Variants in AAMP observed in about 807,000 individuals in gnomAD.
AAMP encodes the protein angio-associated migratory cell protein.
AAMP carries 12 observed loss-of-function variants against 51.1 expected under a neutral mutation model. The observed-to-expected ratio is 0.23, with a 90% CI of 0.15 to 0.38. AAMP has a LOEUF of 0.38. Ranked by LOEUF, AAMP falls within the 10% of genes least tolerant of loss-of-function variation. The pLI is 1.00. For synonymous variants in AAMP, 210 were observed against 218.7 expected (o/e 0.96, Z 0.35); for missense variants, 418 against 557.2 (o/e 0.75, Z 2.52).
chr2:218,265,662 A>C lies in AAMP; in HGVS notation c.900T>G (p.Pro300=). 2 of 1,613,240 alleles carry C rather than the reference A, an allele frequency of 1.2e-6. No individual in the cohort carries two copies. The highest frequency in any genetic ancestry group is 1.7e-6 in the Non-Finnish European group (2 of 1,179,972). Residue 300 remains proline (P), a synonymous_variant, in exon 8 of 11, where the codon CCT becomes CCG. Transcript: ENST00000248450. This position sits in a 1 kb window ranked among gnomAD's most constrained non-coding sequence, Gnocchi z 6.6. ...TTGKVVGVFR[P]ETVASQPSLG... is the part of the protein sequence containing the mutation. ...GGCTGGGCTGGGAGGCCACAGTCTC[A>C]GGTCTAAAAACACCCACCACCTGAA... is the stretch of plus-strand genomic sequence containing the variant.
rs1176204238 is a variant in AAMP at position 218,269,464 on chromosome 2, G to C, written c.192C>G (p.Gly64=). 1 of 1,614,194 alleles carries C rather than the reference G, an allele frequency of 6.2e-7. No individual in the cohort carries two copies. ...CCCCTTCCTGGGGTTCTAGAACCCA[G>C]CCCTCTTCGTTGCCCTCTTCCTCCT... ...EEEEEEGNEE[G]WVLEPQEGVV... The change falls in exon 2 of 11, where the codon GGC becomes GGG. Residue 64 remains glycine, a synonymous_variant. Transcript: ENST00000248450.
rs548080572 is a variant in AAMP, at chr2:218,270,008, T to A, written c.79A>T (p.Ile27Phe). The A allele has an allele frequency of 1.9e-5, 31 of 1,614,048 alleles. No individual in the cohort carries two copies. In the South Asian group the frequency reaches 3.2e-4, roughly 17 times the overall value. Residue 27 changes from isoleucine (I) to phenylalanine (F), a missense_variant, in exon 1 of 11, where the codon ATT becomes TTT. Transcript: ENST00000248450. ...GGATCAAGTTCTACCACCTCGATAA[T>A]CTCTTCATCACCATGGAAGCTTAGG... is the stretch of plus-strand genomic sequence containing the variant. The part of the protein sequence containing the change: ...ETLSFHGDEE[I>F]IEVVELDPGP...
In AAMP at chr2:218,266,629, A is replaced by G; in HGVS notation, c.535-42T>C. 1 of 1,590,532 alleles carries G rather than the reference A, an allele frequency of 6.3e-7. No individual in the cohort carries two copies. Among genetic ancestry groups the G allele is most frequent in the East Asian group, 2.2e-5 (1 of 44,490 alleles). ...GGGCAGCAGGGAGGCCCGTCACCCCATCCCACCTAGAAGCCTGCCCCATGA... is the reference window on the plus strand; with the variant it reads ...GGGCAGCAGGGAGGCCCGTCACCCCGTCCCACCTAGAAGCCTGCCCCATGA... On this transcript the variant is annotated intron_variant, in intron 4 of 10. Coordinates refer to ENST00000248450, the MANE Select transcript of AAMP (RefSeq NM_001087.5). This position sits in a 1 kb window ranked among gnomAD's most constrained non-coding sequence, Gnocchi z 4.7.
intron 1 of AAMP, 172 bp from the exon 2 acceptor site, chr2:218,269,706 G>C (rs1431066632): frequency 8.4e-6 from 10 of 1,187,996 alleles, no homozygotes; most frequent in Non-Finnish European, 9.5e-6. Context: ...GCCACGGCTG[G>C]CCAGAGACCG....
At chr2:218,264,703 T>A in intron 10 of AAMP, 95 bp from the exon 11 acceptor site, 1 of 1,124,420 alleles carries the variant, frequency 8.9e-7, no homozygotes, top group Non-Finnish European at 1.4e-6. Context: ...CCCTCAGTTC[T>A]AGGGCCCTAG....
intron 1 of AAMP, 147 bp downstream of exon 1, chr2:218,269,819 A>T: frequency 7.6e-7 from 1 of 1,307,464 alleles, no homozygotes. Flanking sequence ...CTGAGAACTA[A>T]GTGTGAGGGT....
chr2:218,269,535 C>G lies in AAMP; in HGVS notation c.122-1G>C. On this transcript the variant is annotated splice_acceptor_variant, in intron 1 of 10. Transcript: ENST00000248450. LOFTEE classifies it high-confidence loss of function. ...TCTTCCATCTCCTGGGCCAGGTCAT[C>G]TGCTTTGGGGAGAGGGTTAGAAGAT... 6.2e-7 allele frequency: 1 copy of G among 1,614,202 alleles called. No homozygotes were observed. Among genetic ancestry groups the G allele is most frequent in the Non-Finnish European group, 8.5e-7 (1 of 1,180,038 alleles).
chr2:218,267,298 C>G lies in AAMP; in HGVS notation c.394+196G>C, dbSNP rs1690657595. On this transcript the variant is annotated intron_variant, in intron 3 of 10. Transcript: ENST00000248450. This position sits in a 1 kb window ranked among gnomAD's most constrained non-coding sequence, Gnocchi z 4.6. The stretch of plus-strand genomic sequence containing the variant: ...CCTTCTCTGGCCTTTCCTGGATTCC[C>G]TTGGCCAATTAGTGCCTCCTGCCTC... 1 of 844,312 alleles carries G rather than the reference C, an allele frequency of 1.2e-6. No homozygotes were observed. Among genetic ancestry groups the G allele is most frequent in the Non-Finnish European group, 1.8e-6 (1 of 545,494 alleles). 52.3% of individuals were successfully genotyped at this position (844,312 alleles called of 1,614,324 possible).
In AAMP at chr2:218,266,737, G is replaced by C; in HGVS notation, c.534+110C>G. ...AGATATTCTTCCTGTGCCTTGGGGC[G>C]CATTGGCTCAGAGCTGGCTTGGCGC... is the stretch of plus-strand genomic sequence containing the variant. On this transcript the variant is annotated intron_variant, in intron 4 of 10. Coordinates refer to ENST00000248450, the MANE Select transcript of AAMP (RefSeq NM_001087.5). This position sits in a 1 kb window ranked among gnomAD's most constrained non-coding sequence, Gnocchi z 4.7. 6.4e-7 allele frequency: 1 copy of C among 1,560,382 alleles called. No individual in the cohort carries two copies. Among genetic ancestry groups the C allele is most frequent in the South Asian group, 1.2e-5 (1 of 85,038 alleles).
intron 1 of AAMP, 195 bp from the exon 2 acceptor site, chr2:218,269,729 G>A: frequency 9.4e-7 from 1 of 1,060,196 alleles, no homozygotes; most frequent in Admixed American, 2.3e-5. Flanking sequence ...CGGTAAGGGA[G>A]GGCCAAGGGG....
At position 218,266,196 on chromosome 2, in the gene AAMP, A is replaced by G. The variant is rs769543311; in HGVS notation, c.680-49T>C. 12 of 1,539,130 alleles carry G rather than the reference A, an allele frequency of 7.8e-6. No homozygotes were observed. Among genetic ancestry groups the G allele is most frequent in the Non-Finnish European group, 1.1e-5 (12 of 1,112,494 alleles). ...GAGGGCAGAGGGCACGCTCACATAC[A>G]CTAAGCAAGGGAATGGGGAGAGGGA... On this transcript the variant is annotated intron_variant, in intron 5 of 10. Coordinates refer to ENST00000248450, the MANE Select transcript of AAMP (RefSeq NM_001087.5). The surrounding 1 kb of genome is among the most constrained non-coding windows in gnomAD (Gnocchi z 4.7).
At chr2:218,268,867 T>G (rs181856443) in intron 2 of AAMP, among the ~76,000 whole-genome samples, 39 of 151,942 alleles carry the variant, frequency 2.6e-4, no homozygotes, top group Middle Eastern at 3.4e-3. Context: ...CCCAGCTAAT[T>G]TTTGTATTTT....
At chr2:218,269,616 G>A (rs1690734763) in intron 1 of AAMP, 82 bp from the exon 2 acceptor site, 1 of 1,607,314 alleles carries the variant, frequency 6.2e-7, no homozygotes. Flanking sequence ...CCTGAGGCTG[G>A]GGCGGGTCAT....
At chr2:218,269,673 G>T in intron 1 of AAMP, 139 bp from the exon 2 acceptor site, 2 of 1,442,428 alleles carry the variant, frequency 1.4e-6, no homozygotes, top group Non-Finnish European at 1.9e-6. Context: ...GTCCGCGGGG[G>T]CGCGCGGGAC....
At chr2:218,269,628 T>C (rs772973044) in intron 1 of AAMP, 94 bp from the exon 2 acceptor site, 4 of 1,596,558 alleles carry the variant, frequency 2.5e-6, no homozygotes, top group Non-Finnish European at 2.6e-6. Context: ...GCGGGTCATG[T>C]GGCGAGAAGG....
chr2:218,270,121 A>T lies in AAMP; in HGVS notation c.-35T>A. 1 of 1,610,680 alleles carries T rather than the reference A, an allele frequency of 6.2e-7. No individual in the cohort carries two copies. The highest frequency in any genetic ancestry group is 8.5e-7 in the Non-Finnish European group (1 of 1,178,246). ...GCGGCGGATCCACTTCTCTGGGCCC[A>T]AACGCCTCCCAGAGTCAGCTCTGCG... is the stretch of plus-strand genomic sequence containing the variant. On this transcript the variant is annotated 5_prime_UTR_variant, in exon 1 of 11. Coordinates refer to ENST00000248450, the MANE Select transcript of AAMP (RefSeq NM_001087.5).
At position 218,265,803 on chromosome 2, in the gene AAMP, G is replaced by T. The variant is rs555598236; in HGVS notation, c.879+28C>A. On this transcript the variant is annotated intron_variant, in intron 7 of 10. Transcript: ENST00000248450. The surrounding 1 kb of genome is among the most constrained non-coding windows in gnomAD (Gnocchi z 6.6). Reference sequence around the variant, plus strand: ...AAGGAGAGGAGTCGGGAAAGCGGAGGCCCCAGCCGGGCTCCAGGTCCACTC... The same window carrying T: ...AAGGAGAGGAGTCGGGAAAGCGGAGTCCCCAGCCGGGCTCCAGGTCCACTC... The T allele has an allele frequency of 1.8e-5, 28 of 1,596,534 alleles. No homozygotes were observed. The highest frequency in any genetic ancestry group is 1.0e-4 in the South Asian group (9 of 90,386).
At chr2:218,264,760 A>T in intron 10 of AAMP, 152 bp from the exon 11 acceptor site, 1 of 817,620 alleles carries the variant, frequency 1.2e-6, no homozygotes. Context: ...GGAGGGGATT[A>T]GAGGAAGCCC....
At chr2:218,264,801 T>G (rs1188157971) in intron 10 of AAMP, among the ~76,000 whole-genome samples, 193 bp from the exon 11 acceptor site, 1 of 152,166 alleles carries the variant, frequency 6.6e-6, no homozygotes, top group African/African-American at 2.4e-5. Flanking sequence ...CTGACTCCGA[T>G]GGGGAAAATC....
Sources: gnomAD v4.1 joint callset for allele counts (sites outside exome capture counted in the v4.1 genomes callset) on GRCh38, gnomAD v4.1.1 for gene constraint, Gnocchi (gnomAD v3.1) non-coding constraint, MANE v1.5 for transcripts, NCBI Gene and HGNC (gene_info 2026-07-23, HGNC 2026-07-21) for gene names.